The following PTPRM variants were observed in gnomAD, a reference collection of about 807,000 sequenced individuals.
The protein encoded by PTPRM is receptor-type tyrosine-protein phosphatase mu.
Under a neutral mutation model 186.7 loss-of-function variants are expected in PTPRM, and 47 were observed. The ratio of observed to expected loss-of-function variants is 0.25; its 90% confidence interval spans 0.20 to 0.32. The LOEUF is 0.32. PTPRM is among the 10% of genes least tolerant of loss of function. The pLI is 1.00. For synonymous variants in PTPRM, 668 were observed against 674.9 expected, an observed-to-expected ratio of 0.99 and a Z score of 0.16; for missense variants, 1,494 against 1,865.0, an observed-to-expected ratio of 0.80 and a Z score of 3.66.
intron 31 of PTPRM, among the ~76,000 whole-genome samples, chr18:8,390,542 C>T (rs1038784632): frequency 3.3e-5 from 5 of 152,128 alleles, no homozygotes; most frequent in African/African-American, 7.2e-5. Context: ...GCCACAATGT[C>T]GAAGAACTGC....
intron 7 of PTPRM, among the ~76,000 whole-genome samples, chr18:8,021,446 G>T (rs904455788): frequency 6.6e-6 from 1 of 151,754 alleles, no homozygotes; most frequent in Non-Finnish European, 1.5e-5. Context: ...GTGGTTTGCT[G>T]CACCTATCAA....
chr18:8,004,211 CACTT>C (rs1219094023), intron 7 of PTPRM, among the ~76,000 whole-genome samples: 1 of 152,110 alleles, frequency 6.6e-6, no homozygotes, highest in African/African-American at 2.4e-5. Flanking sequence ...TGAAAGCAAC[CACTT>C]ACTTACAGTA....
intron 20 of PTPRM, among the ~76,000 whole-genome samples, chr18:8,298,371 T>C (rs911792790): frequency 6.6e-6 from 1 of 152,198 alleles, no homozygotes; most frequent in Non-Finnish European, 1.5e-5. Flanking sequence ...TTGCTGAGCC[T>C]ATAACCTCAT....
Position 8,110,356 on chromosome 18 carries a change from G to A in PTPRM, c.1857-3130G>A, listed in dbSNP as rs186002330. On this transcript the variant is annotated intron_variant, in intron 11 of 32. Coordinates refer to ENST00000580170, the MANE Select transcript of PTPRM (RefSeq NM_001105244.2). ...TAAGCCCTTGAGAGAGACTCATTGA[G>A]GGTCTGTGTTTTAGGACACAGGGCA... 4.2e-3 allele frequency among the ~76,000 whole-genome samples: 644 copies of A among 152,326 alleles called. 1 individual carries two copies. Among genetic ancestry groups the A allele is most frequent in the African/African-American group, 0.015 (622 of 41,576 alleles).
chr18:8,348,938 C>T (rs2095519868), intron 23 of PTPRM, among the ~76,000 whole-genome samples: 1 of 152,096 alleles, frequency 6.6e-6, no homozygotes, highest in South Asian at 2.1e-4. Flanking sequence ...GAGCTGTGGA[C>T]CTCTATCACA....
intron 1 of PTPRM, among the ~76,000 whole-genome samples, chr18:7,626,637 G>T (rs1011366742): frequency 6.6e-6 from 1 of 152,120 alleles, no homozygotes; most frequent in African/African-American, 2.4e-5. Context: ...AGTGCCCCTT[G>T]CTCAGGGTCT....
chr18:7,607,671 C>T (rs2037566848), intron 1 of PTPRM, among the ~76,000 whole-genome samples: 1 of 152,230 alleles, frequency 6.6e-6, no homozygotes, highest in Non-Finnish European at 1.5e-5. Context: ...CTTGATCTGG[C>T]AGAGGACAGG....
chr18:7,772,133 C>G (rs955191405), intron 1 of PTPRM, among the ~76,000 whole-genome samples: 10 of 152,194 alleles, frequency 6.6e-5, no homozygotes, highest in Non-Finnish European at 1.5e-4. Context: ...CTTTTAGTAG[C>G]AGGAATTACA....
intron 20 of PTPRM, among the ~76,000 whole-genome samples, chr18:8,303,975 G>T (rs543887850): frequency 9.9e-5 from 15 of 152,280 alleles, no homozygotes; most frequent in Admixed American, 2.6e-4. Context: ...TCCATTATTT[G>T]CAGAAATCAA....
intron 1 of PTPRM, among the ~76,000 whole-genome samples, chr18:7,748,446 G>A (rs1479320256): frequency 1.3e-5 from 2 of 152,082 alleles, no homozygotes; most frequent in East Asian, 3.9e-4. Context: ...GGATGTGGAT[G>A]TGCTGGCTGG....
At chr18:8,137,372 T>C (rs148705417) in intron 13 of PTPRM, among the ~76,000 whole-genome samples, 1 of 152,224 alleles carries the variant, frequency 6.6e-6, no homozygotes, top group Non-Finnish European at 1.5e-5. Context: ...CCAGAGCCAT[T>C]GTGGGTGTTG....
intron 31 of PTPRM, among the ~76,000 whole-genome samples, chr18:8,387,660 C>T (rs1329517330): frequency 6.6e-6 from 1 of 152,166 alleles, no homozygotes; most frequent in Non-Finnish European, 1.5e-5. Context: ...CTCCTTCCCA[C>T]CAGCCAAAGG....
intron 14 of PTPRM, among the ~76,000 whole-genome samples, chr18:8,225,630 C>G (rs1010783590): frequency 6.6e-6 from 1 of 152,222 alleles, no homozygotes; most frequent in East Asian, 1.9e-4. Context: ...ATCGGTAGCC[C>G]TGCTGTCTGC....
chr18:8,230,452 A>G (rs1225033855), intron 14 of PTPRM, among the ~76,000 whole-genome samples: 1 of 152,254 alleles, frequency 6.6e-6, no homozygotes, highest in Non-Finnish European at 1.5e-5. Flanking sequence ...AGTGATGCCA[A>G]TAGATTCCAG....
intron 11 of PTPRM, among the ~76,000 whole-genome samples, chr18:8,097,735 T>C (rs1600546816): frequency 6.6e-6 from 1 of 152,104 alleles, no homozygotes; most frequent in South Asian, 2.1e-4. Flanking sequence ...GGTAGGTAGA[T>C]AGGTTCACCA....
chr18:7,587,253 ATATTACT>A (rs2037003233), intron 1 of PTPRM, among the ~76,000 whole-genome samples: 1 of 152,156 alleles, frequency 6.6e-6, no homozygotes, highest in Admixed American at 6.5e-5. Flanking sequence ...CTGTGGGTAG[ATATTACT>A]TACTGGTTGA....
chr18:7,958,455 G>A (rs1243692224), intron 7 of PTPRM, among the ~76,000 whole-genome samples: 1 of 152,156 alleles, frequency 6.6e-6, no homozygotes, highest in Admixed American at 6.5e-5. Context: ...GGAAAGAACT[G>A]AGAAGGGGAT....
intron 1 of PTPRM, chr18:7,741,840 T>G (rs527808251): frequency 1.3e-5 from 2 of 152,334 alleles, no homozygotes; most frequent in East Asian, 3.9e-4. Context: ...AGCCTCTTTG[T>G]CCTGTAATTG....
rs148121539 is a variant in PTPRM, at chr18:8,110,891, T to C, written c.1857-2595T>C. ...TGTGGAAAGTCAGTGGAGACTAGCT[T>C]ATGTGTTGGTTGTGTCTACAGGAGC... On this transcript the variant is annotated intron_variant, in intron 11 of 32. Coordinates refer to ENST00000580170, the MANE Select transcript of PTPRM (RefSeq NM_001105244.2). 2.6e-5 allele frequency among the ~76,000 whole-genome samples: 4 copies of C among 152,262 alleles called. No individual in the cohort carries two copies. The East Asian group carries it at 7.7e-4, about 29-fold the overall frequency.
Sources: allele counts gnomAD v4.1 joint callset (sites outside exome capture counted in the v4.1 genomes callset), GRCh38; gene constraint gnomAD v4.1.1; transcripts MANE v1.5; gene names NCBI Gene and HGNC (gene_info 2026-07-23, HGNC 2026-07-21).